Variants in RCL1 observed in about 807,000 individuals in gnomAD.
The protein encoded by RCL1 is RNA terminal phosphate cyclase like 1.
A neutral mutation model predicts 42.4 loss-of-function variants in RCL1; 24 were observed. The observed-to-expected ratio is 0.57, with a 90% confidence interval of 0.41 to 0.80. The LOEUF is 0.80. Ranked by LOEUF, RCL1 falls within the 30% of genes least tolerant of loss-of-function variation. RCL1 has a pLI of 0.00. For synonymous variants in RCL1, 228 were observed against 177.3 expected (o/e 1.29, Z -2.27); for missense variants, 578 against 467.9 (o/e 1.24, Z -2.17).
At chr9:4,801,556 C>T (rs1463774055) in intron 1 of RCL1, among the ~76,000 whole-genome samples, 1 of 152,108 alleles carries the variant, frequency 6.6e-6, no homozygotes, top group South Asian at 2.1e-4. Flanking sequence ...TTTTCTCCCA[C>T]TGTGCACCTT....
intron 1 of RCL1, among the ~76,000 whole-genome samples, chr9:4,815,000 T>C (rs1361958505): frequency 1.3e-5 from 2 of 152,186 alleles, no homozygotes; most frequent in Non-Finnish European, 2.9e-5. Context: ...GGGGATTTCC[T>C]TGTATTAACT....
intron 1 of RCL1, among the ~76,000 whole-genome samples, chr9:4,802,666 TTTAC>T (rs1201862796): frequency 6.6e-6 from 1 of 152,204 alleles, no homozygotes; most frequent in Admixed American, 6.5e-5. Context: ...ACGGAAGTAG[TTTAC>T]TTAAATTTTT....
intron 8 of RCL1, among the ~76,000 whole-genome samples, chr9:4,849,820 A>T (rs553129237): frequency 5.5e-4 from 84 of 152,198 alleles, no homozygotes; most frequent in Admixed American, 4.8e-3. Flanking sequence ...TTTTGTTTCC[A>T]GGTTAGAGGT....
Position 4,840,545 on chromosome 9 carries a change from G to T in RCL1, c.585-687G>T, listed in dbSNP as rs141980194. Among the ~76,000 whole-genome samples the T allele has an allele frequency of 7.6e-3, 1,158 of 152,092 alleles. 9 individuals carry two copies. Among genetic ancestry groups the T allele is most frequent in the African/African-American group, 0.023 (968 of 41,470 alleles). On this transcript the variant is annotated intron_variant, in intron 5 of 8. Coordinates refer to ENST00000381750, the MANE Select transcript of RCL1 (RefSeq NM_005772.5). ...ATATCTTCCTCCTTTCTTTTCTGGG[G>T]TGCCCTATTGTAGGAGTGCTAATTA...
At chr9:4,828,387 A>C (rs1282047928) in intron 3 of RCL1, among the ~76,000 whole-genome samples, 3 of 152,118 alleles carry the variant, frequency 2.0e-5, no homozygotes, top group Admixed American at 2.0e-4. Flanking sequence ...GGGTATAAAC[A>C]TTGTTAATAT....
At chr9:4,826,656 A>G (rs536386910) in intron 2 of RCL1, among the ~76,000 whole-genome samples, 1 of 152,202 alleles carries the variant, frequency 6.6e-6, no homozygotes, top group Non-Finnish European at 1.5e-5. Flanking sequence ...ATTAAATTAC[A>G]TTCACAGTTT....
chr9:4,810,196 C>T (rs182212463), intron 1 of RCL1, among the ~76,000 whole-genome samples: 451 of 152,002 alleles, frequency 3.0e-3, no homozygotes, highest in African/African-American at 9.6e-3. Flanking sequence ...AAATTTTTAC[C>T]GAAGCGTACC....
chr9:4,813,151 A>C (rs893400647), intron 1 of RCL1, among the ~76,000 whole-genome samples: 8 of 152,176 alleles, frequency 5.3e-5, no homozygotes, highest in African/African-American at 1.7e-4. Context: ...GAGTTGTTCC[A>C]GATCTTAGAG....
intron 1 of RCL1, among the ~76,000 whole-genome samples, chr9:4,799,104 T>A (rs1426521914): frequency 6.9e-5 from 8 of 116,006 alleles, no homozygotes; most frequent in Admixed American, 4.6e-4. Context: ...TTCCTCTCCT[T>A]CCTCTTTTTC....
intron 1 of RCL1, among the ~76,000 whole-genome samples, chr9:4,795,455 A>G (rs569697284): frequency 3.3e-5 from 5 of 152,244 alleles, no homozygotes; most frequent in Non-Finnish European, 5.9e-5. Context: ...ATATGTGTAT[A>G]TGTATACACA....
At chr9:4,809,920 G>A (rs979146031) in intron 1 of RCL1, among the ~76,000 whole-genome samples, 11 of 152,102 alleles carry the variant, frequency 7.2e-5, no homozygotes, top group Non-Finnish European at 1.2e-4. Context: ...GGGTTCAAGC[G>A]ATTCTTGTGC....
Position 4,841,227 on chromosome 9 carries a change from T to C in RCL1, c.585-5T>C. On this transcript the variant is annotated splice_polypyrimidine_tract_variant and splice_region_variant and intron_variant, in intron 5 of 8. Transcript: ENST00000381750. ...CAGAATGACATCCTTAACTCCAGGC[T>C]GCAGGTACTCTGTACGTGTGTCACC... 1 of 1,614,124 alleles carries C rather than the reference T, an allele frequency of 6.2e-7. No homozygotes were observed. The highest frequency in any genetic ancestry group is 8.5e-7 in the Non-Finnish European group (1 of 1,179,974).
chr9:4,839,934 A>G (rs529138968), intron 5 of RCL1: 1 of 984,630 alleles, frequency 1.0e-6, no homozygotes, highest in South Asian at 4.7e-5. Flanking sequence ...TCGGGCTGGG[A>G]GAATGGGGCA....
chr9:4,832,334 T>A (rs1370705375), intron 3 of RCL1, among the ~76,000 whole-genome samples: 1 of 152,164 alleles, frequency 6.6e-6, no homozygotes, highest in East Asian at 1.9e-4. Flanking sequence ...TGTAAAATCA[T>A]CACCTTCCCT....
chr9:4,844,579 C>T lies in RCL1; in HGVS notation c.765C>T (p.Leu255=). ...CTGAGACCACCAGTGGCACCTTCCT[C>T]AGTGCTGAACTGGCCTCCAACCCCC... ...LVAETTSGTF[L]SAELASNPQG... is the part of the protein sequence containing the mutation. The change falls in exon 7 of 9, where the codon CTC becomes CTT. Residue 255 remains leucine (L), a synonymous_variant. Coordinates refer to ENST00000381750, the MANE Select transcript of RCL1 (RefSeq NM_005772.5). 6.2e-7 allele frequency: 1 copy of T among 1,613,890 alleles called. No homozygotes were observed. The highest frequency in any genetic ancestry group is 8.5e-7 in the Non-Finnish European group (1 of 1,179,892).
At chr9:4,816,980 C>T (rs1256780907) in intron 1 of RCL1, among the ~76,000 whole-genome samples, 1 of 152,150 alleles carries the variant, frequency 6.6e-6, no homozygotes, top group Non-Finnish European at 1.5e-5. Flanking sequence ...CCATGCCCAG[C>T]TAATTTTTTT....
chr9:4,826,121 G>A (rs1563841819), intron 2 of RCL1, among the ~76,000 whole-genome samples: 1 of 151,954 alleles, frequency 6.6e-6, no homozygotes, highest in East Asian at 1.9e-4. Context: ...AAAATTAGCT[G>A]GTCGTGGTCC....
chr9:4,815,532 A>G (rs1652502631), intron 1 of RCL1, among the ~76,000 whole-genome samples: 2 of 151,568 alleles, frequency 1.3e-5, no homozygotes, highest in African/African-American at 2.4e-5. Flanking sequence ...GGGTAGGGGT[A>G]GGTGGAGTGG....
At chr9:4,814,187 G>T (rs1816287775) in intron 1 of RCL1, among the ~76,000 whole-genome samples, 1 of 127,118 alleles carries the variant, frequency 7.9e-6, no homozygotes. Context: ...CATTCAGTAT[G>T]TTAGCTGTGA....
Sources: gnomAD v4.1 joint callset for allele counts (sites outside exome capture counted in the v4.1 genomes callset) on GRCh38, gnomAD v4.1.1 for gene constraint, MANE v1.5 for transcripts, NCBI Gene and HGNC (gene_info 2026-07-23, HGNC 2026-07-21) for gene names.